CES5A: variants seen among roughly 807,000 people sequenced by gnomAD.
CES5A encodes carboxylesterase 5A.
In CES5A, 67 loss-of-function variants were observed where a neutral mutation model predicts 62.9. The observed-to-expected ratio is 1.07, with a 90% CI of 0.88 to 1.31. CES5A has a LOEUF of 1.31. Among genes scored for constraint, CES5A ranks in the 50% most tolerant of loss-of-function variants. The probability of loss-of-function intolerance (pLI) is 0.00; values close to 1 mark genes in which losing one functional copy is unlikely to be tolerated. For missense variants in CES5A, 748 were observed against 708.5 expected (o/e 1.06, Z -0.63); for synonymous variants, 296 against 280.8 (o/e 1.05, Z -0.54).
At chr16:55,922,526 G>C (rs1411458874) in intron 1 of CES5A, among the ~76,000 whole-genome samples, 1 of 151,888 alleles carries the variant, frequency 6.6e-6, no homozygotes, top group Non-Finnish European at 1.5e-5. Flanking sequence ...TCCAGTACCA[G>C]AGCTCCCAAA....
rs537828848 is a variant in CES5A at position 55,937,851 on chromosome 16, C to T, written c.160+11934G>A. On this transcript the variant is annotated intron_variant, in intron 2 of 13. Coordinates refer to the CES5A transcript ENST00000521992. ...AAATATTGGGCTACAAGCTTACTGT[C>T]TTGTGGTTGTAAGATTCCATGCTCT... Among the ~76,000 whole-genome samples the T allele has an allele frequency of 3.3e-5, 5 of 152,312 alleles. No homozygotes were observed. The South Asian group carries it at 8.3e-4, about 25-fold the overall frequency.
intron 2 of CES5A, among the ~76,000 whole-genome samples, chr16:55,947,223 AT>A (rs1197191076): frequency 2.6e-5 from 4 of 152,190 alleles, no homozygotes; most frequent in African/African-American, 9.6e-5. Context: ...ACAAATCACA[AT>A]TTCAGCAAAA....
At chr16:55,900,415 T>C (rs1403957068) in intron 1 of CES5A, among the ~76,000 whole-genome samples, 4 of 152,166 alleles carry the variant, frequency 2.6e-5, no homozygotes, top group Admixed American at 1.3e-4. Context: ...GAGGAGTACA[T>C]TGGGAAAGAC....
At chr16:55,931,807 G>A (rs1320124125) in intron 2 of CES5A, among the ~76,000 whole-genome samples, 1 of 152,146 alleles carries the variant, frequency 6.6e-6, no homozygotes, top group Non-Finnish European at 1.5e-5. Flanking sequence ...CTGAGGACAG[G>A]GACCTTGCCT....
chr16:55,946,287 C>G (rs965715424), intron 2 of CES5A, among the ~76,000 whole-genome samples: 1 of 152,044 alleles, frequency 6.6e-6, no homozygotes, highest in African/African-American at 2.4e-5. Flanking sequence ...TACCCAGAAG[C>G]TGTAGGTCAA....
At position 55,949,869 on chromosome 16, in the gene CES5A, AC is replaced by A. The variant is rs1343699838; in HGVS notation, c.75del (p.Leu25PhefsTer17). On this transcript the variant is annotated frameshift_variant, in exon 2 of 14. Coordinates refer to the CES5A transcript ENST00000521992. LOFTEE classifies it high-confidence loss of function. The stretch of plus-strand genomic sequence containing the variant: ...GCTGGATAAAAATAGTAAACCAGGC[AC>A]AATCTCCACATTCCCCTTCTTATCC... 4 of 1,524,776 alleles carry A rather than the reference AC, an allele frequency of 2.6e-6. No homozygotes were observed. In the East Asian group the frequency reaches 9.9e-5, roughly 38 times the overall value. 94.5% of individuals were successfully genotyped at this position (1,524,776 alleles called of 1,614,324 possible).
intron 1 of CES5A, among the ~76,000 whole-genome samples, chr16:55,882,411 C>T (rs2142425594): frequency 6.6e-6 from 1 of 152,292 alleles, no homozygotes; most frequent in South Asian, 2.1e-4. Context: ...ACCAGAATTG[C>T]AGGGACCACA....
At chr16:55,901,435 T>C (rs1249169867) in intron 1 of CES5A, among the ~76,000 whole-genome samples, 1 of 152,168 alleles carries the variant, frequency 6.6e-6, no homozygotes. Context: ...AGGCATCTTA[T>C]TAAAAGATGT....
intron 4 of CES5A, among the ~76,000 whole-genome samples, chr16:55,867,800 T>G (rs2033495256): frequency 6.6e-6 from 1 of 152,212 alleles, no homozygotes; most frequent in Admixed American, 6.5e-5. Flanking sequence ...ATGGGGATAA[T>G]GATAGTGCCC....
intron 1 of CES5A, among the ~76,000 whole-genome samples, chr16:55,920,542 G>A (rs563572580): frequency 1.3e-5 from 2 of 152,324 alleles, no homozygotes; most frequent in South Asian, 4.1e-4. Flanking sequence ...GCACTGCTTA[G>A]ATCATTTATT....
intron 2 of CES5A, among the ~76,000 whole-genome samples, chr16:55,938,803 C>CACACATATATATATATATACACATATAT (rs1420576407): frequency 1.1e-5 from 1 of 86,964 alleles, no homozygotes; most frequent in African/African-American, 5.3e-5. Context: ...TATATACACA[C>CACACATATATATATATATACACATATAT]ATATATATAT....
upstream of CES5A, among the ~76,000 whole-genome samples, chr16:55,875,578 C>T (rs1567336737): frequency 6.6e-6 from 1 of 152,194 alleles, no homozygotes; most frequent in Non-Finnish European, 1.5e-5. Context: ...TCCAGACCTG[C>T]CTGTGATGCC....
intron 5 of CES5A, among the ~76,000 whole-genome samples, chr16:55,865,024 T>C (rs2033427657): frequency 6.6e-6 from 1 of 151,854 alleles, no homozygotes; most frequent in Non-Finnish European, 1.5e-5. Context: ...CTGACCAACA[T>C]GGAGAAACCC....
intron 5 of CES5A, among the ~76,000 whole-genome samples, chr16:55,865,235 ATG>A (rs1305072255): frequency 6.6e-6 from 1 of 152,176 alleles, no homozygotes; most frequent in Non-Finnish European, 1.5e-5. Context: ...AAAACCATAT[ATG>A]TGTGTGTATG....
chr16:55,928,967 C>A (rs541996581), upstream of CES5A, among the ~76,000 whole-genome samples: 1 of 152,124 alleles, frequency 6.6e-6, no homozygotes, highest in Non-Finnish European at 1.5e-5. Context: ...AGATGGATGT[C>A]GCTTGCTTCC....
chr16:55,928,103 C>T (rs370820556), upstream of CES5A, among the ~76,000 whole-genome samples: 2 of 151,976 alleles, frequency 1.3e-5, no homozygotes, highest in East Asian at 1.9e-4. Flanking sequence ...ATTAGCTGGG[C>T]GTGGTGGCAG....
chr16:55,916,017 T>A (rs2034144995), intron 1 of CES5A, among the ~76,000 whole-genome samples: 1 of 152,136 alleles, frequency 6.6e-6, no homozygotes, highest in Non-Finnish European at 1.5e-5. Flanking sequence ...CCACACCATA[T>A]GGCAGACAGA....
At chr16:55,890,031 G>A (rs1311002716) in intron 1 of CES5A, among the ~76,000 whole-genome samples, 2 of 152,164 alleles carry the variant, frequency 1.3e-5, no homozygotes, top group African/African-American at 2.4e-5. Flanking sequence ...AGCCAGGAAA[G>A]CATCAGAGTC....
chr16:55,880,172 A>G (rs2033746514), upstream of CES5A, among the ~76,000 whole-genome samples: 1 of 152,172 alleles, frequency 6.6e-6, no homozygotes, highest in African/African-American at 2.4e-5. Context: ...GCTGCAGTGG[A>G]CAGTAGTGTG....
Sources: gnomAD v4.1 joint callset for allele counts (sites outside exome capture counted in the v4.1 genomes callset) on GRCh38, gnomAD v4.1.1 for gene constraint, MANE v1.5 for transcripts, NCBI Gene and HGNC (gene_info 2026-07-23, HGNC 2026-07-21) for gene names.